The following SLC8A2 variants were observed in gnomAD, a reference collection of about 807,000 sequenced individuals.
SLC8A2 encodes the protein sodium/calcium exchanger 2.
SLC8A2 carries 14 observed loss-of-function variants against 70.2 expected under a neutral mutation model. That is an observed-to-expected ratio of 0.20 (90% confidence interval 0.13 to 0.31). The LOEUF is 0.31. SLC8A2 is among the 10% of genes least tolerant of loss of function. SLC8A2 has a pLI of 1.00. For missense variants in SLC8A2, 779 were observed against 1,320.1 expected, an observed-to-expected ratio of 0.59 and a Z score of 6.35; for synonymous variants, 575 against 594.3, an observed-to-expected ratio of 0.97 and a Z score of 0.47.
chr19:47,465,782 C>T lies in SLC8A2; in HGVS notation c.622G>A (p.Ala208Thr), dbSNP rs1269812875. The change falls in exon 2 of 10, where the codon GCC becomes ACC. Residue 208 changes from alanine (A) to threonine (T), a missense_variant. Physicochemically the swap from Ala to Thr is moderately conservative, Grantham distance 58. Around this residue, in one of 6 missense-constraint regions of SLC8A2, gnomAD observed 155 missense variants for 318.6 expected, o/e 0.49. Coordinates refer to ENST00000236877, the MANE Select transcript of SLC8A2 (RefSeq NM_015063.3). This position sits in a 1 kb window ranked among gnomAD's most constrained non-coding sequence, Gnocchi z 5.5. The stretch of plus-strand genomic sequence containing the variant: ...AGGATGAGATAAAGCCAGACATAGG[C>T]GAAGATGCTCCAAGAGGCAGTGACA... The part of the protein sequence containing the change: ...FFVTASWSIF[A>T]YVWLYLILAV... 1.2e-6 allele frequency: 2 copies of T among 1,613,972 alleles called. No individual in the cohort carries two copies. Among genetic ancestry groups the T allele is most frequent in the Non-Finnish European group, 1.7e-6 (2 of 1,179,932 alleles).
In SLC8A2 at chr19:47,447,458, C is replaced by T. The variant is rs1967179031; in HGVS notation, c.1763+351G>A. 1 of 343,730 alleles carries T rather than the reference C, an allele frequency of 2.9e-6. No homozygotes were observed. Among genetic ancestry groups the T allele is most frequent in the African/African-American group, 2.2e-5 (1 of 45,294 alleles). 21.3% of individuals were successfully genotyped at this position (343,730 alleles called of 1,614,324 possible). A position where few individuals can be genotyped will look rare whatever the true frequency, so the allele number is the denominator to read the frequency against. Reference sequence around the variant, plus strand: ...CCTGTCCGGCCACCCTTCTAGGCCTCGCCTCTTCATTTCACAGTCACAACC... The same window carrying T: ...CCTGTCCGGCCACCCTTCTAGGCCTTGCCTCTTCATTTCACAGTCACAACC... On this transcript the variant is annotated intron_variant, in intron 4 of 9. Transcript: ENST00000236877. This position sits in a 1 kb window ranked among gnomAD's most constrained non-coding sequence, Gnocchi z 5.1.
At chr19:47,438,549 A>G (rs1967060208) in intron 6 of SLC8A2, among the ~76,000 whole-genome samples, 1 of 152,038 alleles carries the variant, frequency 6.6e-6, no homozygotes, top group Admixed American at 6.6e-5. Flanking sequence ...ACCCACCTAC[A>G]TCCTGGTCCT....
chr19:47,445,759 G>C (rs868797894), intron 4 of SLC8A2, among the ~76,000 whole-genome samples: 1 of 152,184 alleles, frequency 6.6e-6, no homozygotes, highest in Non-Finnish European at 1.5e-5. Flanking sequence ...GGGCCGTAAG[G>C]TTGCAGCAGC....
Position 47,447,621 on chromosome 19 carries a change from TCG to T in SLC8A2, c.1763+186_1763+187del. On this transcript the variant is annotated intron_variant, in intron 4 of 9. Transcript: ENST00000236877. This position sits in a 1 kb window ranked among gnomAD's most constrained non-coding sequence, Gnocchi z 5.1. Reference sequence around the variant, plus strand: ...GCTGTTCAGTGAAGCCCCGCCCACGTCGTGGGCATGGGTCACAGGCCCCGCCC... The same window carrying T: ...GCTGTTCAGTGAAGCCCCGCCCACGTTGGGCATGGGTCACAGGCCCCGCCC... 1 of 395,248 alleles carries T rather than the reference TCG, an allele frequency of 2.5e-6. No homozygotes were observed. Among genetic ancestry groups the T allele is most frequent in the Non-Finnish European group, 4.4e-6 (1 of 228,902 alleles). 24.5% of individuals were successfully genotyped at this position (395,248 alleles called of 1,614,324 possible).
At chr19:47,453,682 CT>C (rs1967270980) in intron 3 of SLC8A2, among the ~76,000 whole-genome samples, 1 of 152,152 alleles carries the variant, frequency 6.6e-6, no homozygotes, top group African/African-American at 2.4e-5. Flanking sequence ...AGGTGGATTG[CT>C]TGAGCCCAGG....
rs377584271 is a variant in SLC8A2, at chr19:47,431,675, AAAAAAC to A, written c.2389+486_2389+491del. ...CCCACACCAAAAAAAAAAAAAAAAA[AAAAAAC>A]AAAACCCAAAAAAACCAACTTTGAG... On this transcript the variant is annotated intron_variant, in intron 9 of 9. Coordinates refer to ENST00000236877, the MANE Select transcript of SLC8A2 (RefSeq NM_015063.3). Among the ~76,000 whole-genome samples, 801 of 137,466 alleles carry A rather than the reference AAAAAAC, an allele frequency of 5.8e-3. 29 individuals carry two copies. The East Asian group carries it at 0.078, about 13-fold the overall frequency. The allele number at this position is 137,466 out of a possible 152,430, so 90.2% of individuals were successfully genotyped here.
At chr19:47,457,719 T>A in intron 2 of SLC8A2, 125 bp from the exon 3 acceptor site, 1 of 521,846 alleles carries the variant, frequency 1.9e-6, no homozygotes, top group South Asian at 2.8e-5. Context: ...CCCCGCCCCG[T>A]CGTCTCTCCC....
chr19:47,436,843 G>A (rs558045249), intron 8 of SLC8A2, among the ~76,000 whole-genome samples: 16 of 152,288 alleles, frequency 1.1e-4, no homozygotes, highest in Admixed American at 4.6e-4. Flanking sequence ...AGGCCAAGGA[G>A]GGTGGTGACC....
In SLC8A2 at chr19:47,437,443, C is replaced by T; in HGVS notation, c.2110+19G>A. 2.7e-6 allele frequency: 4 copies of T among 1,480,016 alleles called. No homozygotes were observed. Among genetic ancestry groups the T allele is most frequent in the Non-Finnish European group, 3.8e-6 (4 of 1,057,968 alleles). 91.7% of individuals were successfully genotyped at this position (1,480,016 alleles called of 1,614,324 possible). On this transcript the variant is annotated intron_variant, in intron 8 of 9. Transcript: ENST00000236877. ...GTCTCTCCATCTTTCTCTCTTCTCT[C>T]TCCTCCCTCCCCACTTACCTGCGCT...
At chr19:47,470,387 A>ACC (rs1555751639) in intron 1 of SLC8A2, among the ~76,000 whole-genome samples, 2 of 147,616 alleles carry the variant, frequency 1.4e-5, no homozygotes, top group Non-Finnish European at 3.0e-5. Context: ...ACACACACAC[A>ACC]CCAGGGCTAC....
chr19:47,463,073 C>T (rs760614036), intron 2 of SLC8A2, among the ~76,000 whole-genome samples: 17 of 151,910 alleles, frequency 1.1e-4, no homozygotes, highest in Non-Finnish European at 1.9e-4. Context: ...GCTCCCTTGT[C>T]ATGAGGGTAG....
chr19:47,444,377 A>T (rs1045071135), intron 4 of SLC8A2, among the ~76,000 whole-genome samples: 1 of 152,084 alleles, frequency 6.6e-6, no homozygotes, highest in Non-Finnish European at 1.5e-5. Context: ...GGCGCACACA[A>T]GACGGCCATG....
chr19:47,462,077 G>C (rs997731439), intron 2 of SLC8A2, among the ~76,000 whole-genome samples: 1 of 151,856 alleles, frequency 6.6e-6, no homozygotes, highest in Non-Finnish European at 1.5e-5. Flanking sequence ...CCACATGCCG[G>C]CTCATTTCAG....
At chr19:47,435,940 C>A (rs1016841777) in intron 8 of SLC8A2, among the ~76,000 whole-genome samples, 1 of 152,162 alleles carries the variant, frequency 6.6e-6, no homozygotes, top group Non-Finnish European at 1.5e-5. Flanking sequence ...CATTCAAAAC[C>A]CTCCATGGCT....
intron 2 of SLC8A2, among the ~76,000 whole-genome samples, chr19:47,460,181 G>A (rs1436232970): frequency 1.3e-5 from 2 of 152,174 alleles, no homozygotes; most frequent in Non-Finnish European, 2.9e-5. Context: ...TGGACAGGCT[G>A]TGTCTCTAAC....
At chr19:47,459,970 G>C (rs911527588) in intron 2 of SLC8A2, among the ~76,000 whole-genome samples, 3 of 151,682 alleles carry the variant, frequency 2.0e-5, no homozygotes, top group African/African-American at 7.3e-5. Flanking sequence ...TGCTGTCAAG[G>C]GACAGAGCCT....
intron 3 of SLC8A2, among the ~76,000 whole-genome samples, chr19:47,451,357 G>A (rs1967233234): frequency 6.6e-6 from 1 of 151,520 alleles, no homozygotes. Context: ...CATCCAAGCT[G>A]GAGTGCAGTT....
chr19:47,469,922 C>A (rs1023412040), intron 1 of SLC8A2, among the ~76,000 whole-genome samples: 1 of 152,184 alleles, frequency 6.6e-6, no homozygotes, highest in Non-Finnish European at 1.5e-5. Flanking sequence ...CTCTTAGGTC[C>A]TTGATCAGAA....
At position 47,448,553 on chromosome 19, in the gene SLC8A2, G is replaced by A. The variant is rs1967198159; in HGVS notation, c.1341-322C>T. On this transcript the variant is annotated intron_variant, in intron 3 of 9. Coordinates refer to ENST00000236877, the MANE Select transcript of SLC8A2 (RefSeq NM_015063.3). This position sits in a 1 kb window ranked among gnomAD's most constrained non-coding sequence, Gnocchi z 4.8. ...TTCCTGGAGGAGGCATTAGCAGGTG[G>A]GCATACTCCAGGCAGAAGGAACAGC... is the stretch of plus-strand genomic sequence containing the variant. Among the ~76,000 whole-genome samples the A allele has an allele frequency of 6.6e-6, 1 of 152,106 alleles. No homozygotes were observed. The highest frequency in any genetic ancestry group is 1.5e-5 in the Non-Finnish European group (1 of 68,022).
Sources: gnomAD v4.1 joint callset for allele counts (sites outside exome capture counted in the v4.1 genomes callset) on GRCh38, gnomAD v4.1.1 for gene constraint, gnomAD v4.1.1 regional missense constraint, Gnocchi (gnomAD v3.1) non-coding constraint, MANE v1.5 for transcripts, NCBI Gene and HGNC (gene_info 2026-07-23, HGNC 2026-07-21) for gene names.